OR2L13: variants seen among roughly 807,000 people sequenced by gnomAD.
OR2L13 encodes the protein olfactory receptor family 2 subfamily L member 13.
A neutral mutation model predicts 15.3 loss-of-function variants in OR2L13; 14 were observed. The ratio of observed to expected loss-of-function variants is 0.91; its 90% CI spans 0.60 to 1.43. The LOEUF is 1.43. Ranked by LOEUF, OR2L13 falls within the 40% of genes most tolerant of loss-of-function variation. The pLI, the probability that OR2L13 is intolerant of heterozygous loss-of-function variation, is 0.00. For synonymous variants in OR2L13, 152 were observed against 142.9 expected (o/e 1.06, Z -0.45); for missense variants, 367 against 387.9 (o/e 0.95, Z 0.45).
chr1:248,085,276 G>A, the OR2L13 span, among the ~76,000 whole-genome samples: 1 of 151,468 alleles, frequency 6.6e-6, no homozygotes, highest in African/African-American at 2.4e-5. Context: ...GGATAAAAAA[G>A]CACTCGACAT....
chr1:247,999,567 A>G, the OR2L13 span, among the ~76,000 whole-genome samples: 4 of 152,212 alleles, frequency 2.6e-5, no homozygotes, highest in Non-Finnish European at 5.9e-5. Context: ...TATGTCAGTT[A>G]CCTACAACAT....
the OR2L13 span, among the ~76,000 whole-genome samples, chr1:248,085,421 T>TAAAAA: frequency 3.1e-5 from 2 of 63,716 alleles, no homozygotes; most frequent in Non-Finnish European, 5.8e-5. Flanking sequence ...AATAAAATAA[T>TAAAAA]AAAATAAAAT....
At chr1:247,950,496 T>G in the OR2L13 span, among the ~76,000 whole-genome samples, 1 of 152,214 alleles carries the variant, frequency 6.6e-6, no homozygotes, top group African/African-American at 2.4e-5. Flanking sequence ...CATTTTATGT[T>G]GATTTTGGTA....
chr1:247,941,961 A>G, the OR2L13 span, among the ~76,000 whole-genome samples: 1 of 152,156 alleles, frequency 6.6e-6, no homozygotes, highest in Non-Finnish European at 1.5e-5. Flanking sequence ...TTATTGTGTT[A>G]CTATGACTGT....
the OR2L13 span, among the ~76,000 whole-genome samples, chr1:248,034,414 T>C: frequency 2.0e-5 from 3 of 150,870 alleles, no homozygotes; most frequent in Non-Finnish European, 4.4e-5. Flanking sequence ...GTTTTTCAAT[T>C]TTGTCCTTAA....
chr1:248,002,270 T>C, the OR2L13 span, among the ~76,000 whole-genome samples: 1 of 152,200 alleles, frequency 6.6e-6, no homozygotes, highest in Non-Finnish European at 1.5e-5. Context: ...CAAATATACA[T>C]AAGAGAAACA....
the OR2L13 span, among the ~76,000 whole-genome samples, chr1:248,030,646 G>A: frequency 6.6e-6 from 1 of 152,080 alleles, no homozygotes; most frequent in Non-Finnish European, 1.5e-5. Flanking sequence ...ATGTGCGATT[G>A]TACGATGCTC....
At chr1:247,949,274 G>A in the OR2L13 span, 3 of 1,614,216 alleles carry the variant, frequency 1.9e-6, no homozygotes, top group Non-Finnish European at 2.5e-6. Flanking sequence ...GCAAAAGAGT[G>A]TGTGTGCTGA....
At chr1:248,068,474 C>T in the OR2L13 span, among the ~76,000 whole-genome samples, 1 of 152,180 alleles carries the variant, frequency 6.6e-6, no homozygotes, top group Non-Finnish European at 1.5e-5. Flanking sequence ...ACAGAAAGGA[C>T]ATCCACATCA....
the OR2L13 span, among the ~76,000 whole-genome samples, chr1:247,982,637 G>C: frequency 1.3e-5 from 2 of 152,146 alleles, no homozygotes; most frequent in Non-Finnish European, 2.9e-5. Flanking sequence ...TTCCAGTAGG[G>C]AAACTTTTAT....
the OR2L13 span, among the ~76,000 whole-genome samples, chr1:247,989,806 A>T: frequency 6.6e-6 from 1 of 152,146 alleles, no homozygotes; most frequent in Non-Finnish European, 1.5e-5. Context: ...TGCATGGAAA[A>T]TTCCACAAAT....
the OR2L13 span, among the ~76,000 whole-genome samples, chr1:248,018,888 G>T: frequency 2.6e-5 from 4 of 152,160 alleles, no homozygotes; most frequent in East Asian, 1.9e-4. Flanking sequence ...TCATGTAGGA[G>T]AATTCATACA....
At chr1:248,074,419 G>A in the OR2L13 span, among the ~76,000 whole-genome samples, 1 of 151,156 alleles carries the variant, frequency 6.6e-6, no homozygotes, top group Non-Finnish European at 1.5e-5. Flanking sequence ...TTTCTTCATT[G>A]ACGATATGAT....
chr1:248,045,473 T>C, the OR2L13 span, among the ~76,000 whole-genome samples: 1 of 152,214 alleles, frequency 6.6e-6, no homozygotes, highest in Admixed American at 6.5e-5. Flanking sequence ...CTTTCTTTTT[T>C]ACAGAAATTC....
chr1:247,941,981 G>A, the OR2L13 span, among the ~76,000 whole-genome samples: 1 of 152,120 alleles, frequency 6.6e-6, no homozygotes, highest in Non-Finnish European at 1.5e-5. Flanking sequence ...TAGCCTCCCA[G>A]TACCAGTCTT....
At chr1:248,021,978 T>G in the OR2L13 span, 5 of 1,613,574 alleles carry the variant, frequency 3.1e-6, no homozygotes, top group Non-Finnish European at 4.2e-6. Context: ...GTCAACTGAT[T>G]TCATCTTATT....
the OR2L13 span, among the ~76,000 whole-genome samples, chr1:247,969,423 A>C: frequency 6.6e-6 from 1 of 152,268 alleles, no homozygotes; most frequent in South Asian, 2.1e-4. Context: ...TTCATGGGAC[A>C]AGGCATTTTT....
At chr1:248,014,106 T>G in the OR2L13 span, among the ~76,000 whole-genome samples, 1 of 152,090 alleles carries the variant, frequency 6.6e-6, no homozygotes, top group Non-Finnish European at 1.5e-5. Flanking sequence ...GATTTTTTGG[T>G]TTTGGTTTGA....
chr1:248,074,096 T>G, the OR2L13 span, among the ~76,000 whole-genome samples: 9 of 152,108 alleles, frequency 5.9e-5, no homozygotes, highest in African/African-American at 2.2e-4. Flanking sequence ...TTTGACAAAA[T>G]ACTTTTCTCC....
Sources: allele counts gnomAD v4.1 joint callset (sites outside exome capture counted in the v4.1 genomes callset), GRCh38; gene constraint gnomAD v4.1.1; transcripts MANE v1.5; gene names NCBI Gene and HGNC (gene_info 2026-07-23, HGNC 2026-07-21).